Variants in ZNF236 observed in about 807,000 individuals in gnomAD.
The protein encoded by ZNF236 is zinc finger protein 236.
ZNF236 carries 50 observed loss-of-function variants against 191.2 expected under a neutral mutation model. The ratio of observed to expected loss-of-function variants is 0.26; its 90% CI spans 0.21 to 0.33. The LOEUF (loss-of-function observed/expected upper bound fraction) is 0.33. ZNF236 is among the 10% of genes least tolerant of loss of function. The pLI is 1.00. For synonymous variants in ZNF236, 907 were observed against 928.8 expected (o/e 0.98, Z 0.43); for missense variants, 1,754 against 2,374.5 (o/e 0.74, Z 5.43).
intron 25 of ZNF236, among the ~76,000 whole-genome samples, chr18:76,935,737 T>G (rs543546504): frequency 6.6e-6 from 1 of 152,278 alleles, no homozygotes; most frequent in Non-Finnish European, 1.5e-5. Flanking sequence ...CAGGCTAGTG[T>G]GCGGTAAGGG....
chr18:76,968,357 C>A lies in ZNF236; in HGVS notation c.*18C>A. 6.3e-7 allele frequency: 1 copy of A among 1,597,500 alleles called. No homozygotes were observed. ...TCTTCTGATGCGAGTTGGAAGTACACCTTTAAGAATGTTTCTGAAGTTACG... is the reference window on the plus strand; with the variant it reads ...TCTTCTGATGCGAGTTGGAAGTACAACTTTAAGAATGTTTCTGAAGTTACG... On this transcript the variant is annotated 3_prime_UTR_variant, in exon 31 of 31. Coordinates refer to ENST00000320610, the MANE Select transcript of ZNF236 (RefSeq NM_001306089.2).
intron 16 of ZNF236, among the ~76,000 whole-genome samples, chr18:76,911,297 A>G (rs1967211230): frequency 4.8e-5 from 1 of 20,866 alleles, no homozygotes; most frequent in Non-Finnish European, 1.3e-4. Context: ...GAAATTTCTT[A>G]ATAGTGATGA....
intron 1 of ZNF236, among the ~76,000 whole-genome samples, chr18:76,827,811 G>T (rs777033507): frequency 6.6e-6 from 1 of 152,170 alleles, no homozygotes; most frequent in Non-Finnish European, 1.5e-5. Context: ...AGAAGGATGA[G>T]TGAGATATGC....
chr18:76,924,260 TC>T (rs1967616808), intron 21 of ZNF236, among the ~76,000 whole-genome samples: 1 of 152,246 alleles, frequency 6.6e-6, no homozygotes, highest in Non-Finnish European at 1.5e-5. Context: ...GGGCACGGCC[TC>T]TCATGCAGCA....
At chr18:76,963,639 A>G (rs1418916950) in intron 30 of ZNF236, among the ~76,000 whole-genome samples, 5 of 150,642 alleles carry the variant, frequency 3.3e-5, no homozygotes, top group African/African-American at 1.2e-4. Flanking sequence ...AATAGTGTCA[A>G]AAGGATTGGT....
chr18:76,873,589 A>G (rs573500515), intron 5 of ZNF236, among the ~76,000 whole-genome samples: 31 of 152,264 alleles, frequency 2.0e-4, no homozygotes, highest in Admixed American at 1.0e-3. Context: ...TTGGTCTTCC[A>G]ATAGCTGTGC....
chr18:76,868,124 G>A (rs1343874567), intron 3 of ZNF236, among the ~76,000 whole-genome samples: 1 of 152,090 alleles, frequency 6.6e-6, no homozygotes, highest in East Asian at 1.9e-4. Context: ...GTGTGTGTGT[G>A]CTGCAGTTAC....
At chr18:76,868,496 G>A (rs1167837014) in intron 3 of ZNF236, among the ~76,000 whole-genome samples, 189 bp from the exon 4 acceptor site, 5 of 152,142 alleles carry the variant, frequency 3.3e-5, no homozygotes, top group East Asian at 1.9e-4. Flanking sequence ...AATGATTTTT[G>A]TATATTCAAA....
At chr18:76,838,347 A>G (rs927974225) in intron 1 of ZNF236, among the ~76,000 whole-genome samples, 1 of 152,242 alleles carries the variant, frequency 6.6e-6, no homozygotes, top group Non-Finnish European at 1.5e-5. Flanking sequence ...TACTGTAGAA[A>G]ATAATGCATA....
intron 3 of ZNF236, among the ~76,000 whole-genome samples, chr18:76,865,640 C>T (rs1976384854): frequency 6.6e-6 from 1 of 152,144 alleles, no homozygotes; most frequent in African/African-American, 2.4e-5. Context: ...AGTGAAGCAC[C>T]CAGCAGTTTG....
chr18:76,938,681 G>A (rs1034115681), intron 26 of ZNF236, among the ~76,000 whole-genome samples: 5 of 152,172 alleles, frequency 3.3e-5, no homozygotes, highest in East Asian at 1.9e-4. Flanking sequence ...GCTCCTCACC[G>A]AGGCCCCCTG....
intron 3 of ZNF236, among the ~76,000 whole-genome samples, chr18:76,859,890 C>A (rs764022105): frequency 1.3e-5 from 2 of 152,216 alleles, no homozygotes; most frequent in East Asian, 1.9e-4. Context: ...ATCTAGAGAT[C>A]TGCATGGGGT....
chr18:76,853,411 T>C (rs996273619), intron 3 of ZNF236, among the ~76,000 whole-genome samples: 3 of 152,214 alleles, frequency 2.0e-5, no homozygotes, highest in African/African-American at 7.2e-5. Flanking sequence ...TTTTGGATCC[T>C]GTTTTTATCA....
At position 76,928,071 on chromosome 18, in the gene ZNF236, C is replaced by T. The variant is rs756750294; in HGVS notation, c.4559C>T (p.Ser1520Leu). ...QAAGPTATSS[S>L]GSPQEITLTI... is the part of the protein sequence containing the mutation. ...GCTGGGCCCACTGCCACGTCTTCCT[C>T]GGGGTCTCCACAGGAAATTACCCTG... The change falls in exon 25 of 31, where the codon TCG becomes TTG. Residue 1520 changes from serine (S) to leucine (L), a missense_variant. This residue lies in a region of ZNF236 where 606 missense variants were observed against 761.5 expected (regional missense o/e 0.80). Coordinates refer to ENST00000320610, the MANE Select transcript of ZNF236 (RefSeq NM_001306089.2). 1.3e-5 allele frequency: 21 copies of T among 1,612,902 alleles called. 1 individual carries two copies. The African/African-American group carries it at 1.7e-4, about 13-fold the overall frequency.
intron 26 of ZNF236, among the ~76,000 whole-genome samples, chr18:76,939,790 T>A (rs1027240525): frequency 6.6e-6 from 1 of 151,690 alleles, no homozygotes; most frequent in Non-Finnish European, 1.5e-5. Context: ...GGGAACACGG[T>A]GGGCGACCCT....
At chr18:76,965,173 A>G (rs374344051) in intron 30 of ZNF236, among the ~76,000 whole-genome samples, 1 of 152,040 alleles carries the variant, frequency 6.6e-6, no homozygotes, top group African/African-American at 2.4e-5. Context: ...GTTCTATTCT[A>G]TTGCTGAGAC....
intron 26 of ZNF236, among the ~76,000 whole-genome samples, chr18:76,942,206 A>G (rs1391309037): frequency 1.3e-5 from 2 of 152,238 alleles, no homozygotes; most frequent in African/African-American, 4.8e-5. Context: ...TAATGAGGAA[A>G]CGGACTAATA....
intron 1 of ZNF236, among the ~76,000 whole-genome samples, chr18:76,826,540 C>T (rs1171551366): frequency 6.6e-6 from 1 of 151,170 alleles, no homozygotes; most frequent in East Asian, 2.0e-4. Flanking sequence ...CCTGTAATCC[C>T]AGCTCTTTGG....
intron 1 of ZNF236, among the ~76,000 whole-genome samples, chr18:76,826,802 A>G (rs1599304856): frequency 6.6e-6 from 1 of 150,990 alleles, no homozygotes; most frequent in Admixed American, 6.6e-5. Context: ...TCAGTCTCAA[A>G]AAAAAAAAAA....
Sources: allele counts gnomAD v4.1 joint callset (sites outside exome capture counted in the v4.1 genomes callset), GRCh38; gene constraint gnomAD v4.1.1; regional missense constraint gnomAD v4.1.1; transcripts MANE v1.5; gene names NCBI Gene and HGNC (gene_info 2026-07-23, HGNC 2026-07-21).